The following USP54 variants were observed in gnomAD, a reference collection of about 807,000 sequenced individuals.
The protein encoded by USP54 is ubiquitin carboxyl-terminal hydrolase 54.
A neutral mutation model predicts 170.5 loss-of-function variants in USP54; 87 were observed. The ratio of observed to expected loss-of-function variants is 0.51; its 90% CI spans 0.43 to 0.61. The LOEUF (loss-of-function observed/expected upper bound fraction) is 0.61. Among genes scored for constraint, USP54 ranks in the 20% least tolerant of loss-of-function variants. USP54 has a pLI of 0.00. For synonymous variants in USP54, 655 were observed against 742.8 expected, an observed-to-expected ratio of 0.88 and a Z score of 1.92; for missense variants, 1,786 against 2,047.8, an observed-to-expected ratio of 0.87 and a Z score of 2.47.
At chr10:73,562,645 T>C (rs2073339931) in intron 4 of USP54, among the ~76,000 whole-genome samples, 1 of 152,258 alleles carries the variant, frequency 6.6e-6, no homozygotes. Flanking sequence ...CATTACTATA[T>C]AGTGTTTTAC....
intron 19 of USP54, 199 bp downstream of exon 19, chr10:73,519,598 T>C: frequency 1.3e-6 from 1 of 796,522 alleles, no homozygotes; most frequent in South Asian, 1.9e-5. Flanking sequence ...CTGTACTTTT[T>C]GCATCCTAGG....
chr10:73,601,084 T>C (rs902284554), intron 1 of USP54, among the ~76,000 whole-genome samples: 1 of 152,132 alleles, frequency 6.6e-6, no homozygotes, highest in Non-Finnish European at 1.5e-5. Flanking sequence ...CTAAACCAAT[T>C]TCATGTTTAA....
intron 4 of USP54, among the ~76,000 whole-genome samples, chr10:73,549,986 T>G (rs1329617309): frequency 6.6e-6 from 1 of 151,676 alleles, no homozygotes; most frequent in Admixed American, 6.6e-5. Context: ...TGCAATGGTG[T>G]GATCTCGGCT....
chr10:73,557,516 TCA>T (rs2133670440), intron 4 of USP54, among the ~76,000 whole-genome samples: 1 of 150,496 alleles, frequency 6.6e-6, no homozygotes, highest in Admixed American at 6.6e-5. Flanking sequence ...AGACGGAGTC[TCA>T]CTCTGTCGCC....
chr10:73,552,953 T>A (rs781228023), intron 4 of USP54, among the ~76,000 whole-genome samples: 3 of 152,214 alleles, frequency 2.0e-5, no homozygotes, highest in Non-Finnish European at 4.4e-5. Context: ...AGAAGGGATC[T>A]GAGTCAGGTG....
intron 20 of USP54, among the ~76,000 whole-genome samples, chr10:73,515,092 C>T (rs1359771364): frequency 1.3e-5 from 2 of 151,742 alleles, no homozygotes; most frequent in African/African-American, 4.8e-5. Flanking sequence ...TGTGGTATTC[C>T]CCTCAAAGGC....
intron 1 of USP54, among the ~76,000 whole-genome samples, chr10:73,612,388 C>A (rs1460721090): frequency 1.3e-5 from 2 of 152,110 alleles, no homozygotes; most frequent in African/African-American, 4.8e-5. Flanking sequence ...ATTCAACAGA[C>A]TTGATTTTAC....
In USP54 at chr10:73,519,764, C is replaced by T. The variant is rs779647127; in HGVS notation, c.2678+33G>A. ...TACTCATGGTCATTTCTTCCCCTGGCATTCATAAACTAACATGGTTCCCAA... is the reference window on the plus strand; with the variant it reads ...TACTCATGGTCATTTCTTCCCCTGGTATTCATAAACTAACATGGTTCCCAA... On this transcript the variant is annotated intron_variant, in intron 19 of 23. Transcript: ENST00000687698. 3.1e-6 allele frequency: 5 copies of T among 1,612,358 alleles called. No homozygotes were observed. The South Asian group carries it at 5.5e-5, about 18-fold the overall frequency.
chr10:73,582,920 G>C (rs539530037), intron 1 of USP54, among the ~76,000 whole-genome samples: 2 of 152,228 alleles, frequency 1.3e-5, no homozygotes, highest in East Asian at 3.9e-4. Context: ...AGTGATCAAG[G>C]TCAAAATAAC....
intron 1 of USP54, among the ~76,000 whole-genome samples, chr10:73,588,934 T>C (rs1365939838): frequency 6.6e-6 from 1 of 152,242 alleles, no homozygotes; most frequent in African/African-American, 2.4e-5. Context: ...TAGGAACTAC[T>C]AATAGTCATA....
intron 18 of USP54, 30 bp from the exon 19 acceptor site, chr10:73,520,022 C>A (rs2061660811): frequency 6.4e-7 from 1 of 1,555,590 alleles, no homozygotes; most frequent in South Asian, 1.2e-5. Flanking sequence ...ATAGCAGAAA[C>A]AGAACACAAA....
rs111926813 is a variant in USP54, at chr10:73,571,173, T to C, written c.240+248A>G. On this transcript the variant is annotated intron_variant, in intron 4 of 23. Coordinates refer to ENST00000687698, the MANE Select transcript of USP54 (RefSeq NM_001391956.1). ...AAAAAAAAAAAAAAAAGGAGAAGCA[T>C]ACTTGCATAGTATTCTATCACATCA... Among the ~76,000 whole-genome samples the C allele has an allele frequency of 3.9e-3, 524 of 134,752 alleles. 9 individuals carry two copies. The highest frequency in any genetic ancestry group is 0.013 in the African/African-American group (483 of 37,204). The allele number at this position is 134,752 out of a possible 152,430, so 88.4% of individuals were successfully genotyped here.
chr10:73,561,104 C>CA (rs919887025), intron 4 of USP54, among the ~76,000 whole-genome samples: 1,198 of 30,036 alleles, frequency 0.04, 59 homozygotes, highest in Non-Finnish European at 0.072. Flanking sequence ...GACTCCATCT[C>CA]AAAAAAAAAA....
Position 73,519,790 on chromosome 10 carries a change from G to C in USP54, c.2678+7C>G. The C allele has an allele frequency of 6.2e-7, 1 of 1,613,716 alleles. No homozygotes were observed. Among genetic ancestry groups the C allele is most frequent in the Non-Finnish European group, 8.5e-7 (1 of 1,179,896 alleles). On this transcript the variant is annotated splice_region_variant and intron_variant, in intron 19 of 23. Coordinates refer to ENST00000687698, the MANE Select transcript of USP54 (RefSeq NM_001391956.1). Reference sequence around the variant, plus strand: ...ATTCATAAACTAACATGGTTCCCAAGCACTACCTTGTTGGCTGAGAGAGAG... The same window carrying C: ...ATTCATAAACTAACATGGTTCCCAACCACTACCTTGTTGGCTGAGAGAGAG...
At position 73,524,452 on chromosome 10, in the gene USP54, C is replaced by T. The variant is rs1198523155; in HGVS notation, c.2195-702G>A. Among the ~76,000 whole-genome samples, 10 of 151,802 alleles carry T rather than the reference C, an allele frequency of 6.6e-5. No homozygotes were observed. In the East Asian group the frequency reaches 1.6e-3, roughly 24 times the overall value. On this transcript the variant is annotated intron_variant, in intron 16 of 23. Transcript: ENST00000687698. ...AAAATTAGCCAGGTTTGGTGGCAGGCGCCTGTTATCCCAGCTACTCGGGAG... is the reference window on the plus strand; with the variant it reads ...AAAATTAGCCAGGTTTGGTGGCAGGTGCCTGTTATCCCAGCTACTCGGGAG...
intron 4 of USP54, among the ~76,000 whole-genome samples, chr10:73,569,670 T>C (rs2074623901): frequency 6.7e-6 from 1 of 150,202 alleles, no homozygotes. Context: ...AAGAATTGCT[T>C]GAACCAGGGA....
At position 73,524,872 on chromosome 10, in the gene USP54, G is replaced by T. The variant is rs2062583701; in HGVS notation, c.2195-1122C>A. Among the ~76,000 whole-genome samples, 3 of 152,178 alleles carry T rather than the reference G, an allele frequency of 2.0e-5. No individual in the cohort carries two copies. The South Asian group carries it at 6.2e-4, about 31-fold the overall frequency. ...TCAAGTAGGTTAAATTCATAATCAT[G>T]CTCTAATCATTAGAGAACACTTTCT... On this transcript the variant is annotated intron_variant, in intron 16 of 23. Coordinates refer to ENST00000687698, the MANE Select transcript of USP54 (RefSeq NM_001391956.1).
chr10:73,541,274 CTT>C, intron 9 of USP54, 99 bp downstream of exon 9: 1 of 1,509,594 alleles, frequency 6.6e-7, no homozygotes, highest in Non-Finnish European at 9.0e-7. Context: ...CATTATAATA[CTT>C]GTCATCTAGG....
intron 1 of USP54, among the ~76,000 whole-genome samples, chr10:73,586,648 A>G (rs2077519615): frequency 1.3e-5 from 2 of 152,252 alleles, no homozygotes; most frequent in South Asian, 2.1e-4. Context: ...AGAACTCACA[A>G]AATGGCCTTA....
Sources: allele counts gnomAD v4.1 joint callset (sites outside exome capture counted in the v4.1 genomes callset), GRCh38; gene constraint gnomAD v4.1.1; transcripts MANE v1.5; gene names NCBI Gene and HGNC (gene_info 2026-07-23, HGNC 2026-07-21).